Variants in GRM6 observed in about 807,000 individuals in gnomAD.
GRM6 encodes glutamate metabotropic receptor 6, also known as metabotropic glutamate receptor 6.
GRM6 carries 73 observed loss-of-function variants against 78.4 expected under a neutral mutation model. The ratio of observed to expected loss-of-function variants is 0.93; its 90% CI spans 0.77 to 1.13. GRM6 has a LOEUF of 1.13. GRM6 is among the 50% of genes most tolerant of loss of function. GRM6 has a pLI of 0.00. For missense variants in GRM6, 1,251 were observed against 1,256.4 expected, an observed-to-expected ratio of 1.00 and a Z score of 0.07; for synonymous variants, 580 against 555.0, an observed-to-expected ratio of 1.05 and a Z score of -0.63.
rs776167510 is a variant in GRM6, at chr5:178,991,966, C to G, written c.622G>C (p.Val208Leu). Residue 208 changes from valine (V) to leucine (L), a missense_variant, in exon 3 of 11, where the codon GTG becomes CTG. Physicochemically the swap from Val to Leu is conservative, Grantham distance 32. Transcript: ENST00000517717. This position sits in a 1 kb window ranked among gnomAD's most constrained non-coding sequence, Gnocchi z 5.0. The part of the protein sequence containing the change: ...SYQAQAMVDI[V>L]RALGWNYVST... ...ACATAGTTCCATCCCAGTGCCCTCA[C>G]GATGTCCACCATGGCCTGCGCCTGG... is the stretch of plus-strand genomic sequence containing the variant. 1.2e-6 allele frequency: 2 copies of G among 1,614,046 alleles called. No homozygotes were observed. Among genetic ancestry groups the G allele is most frequent in the South Asian group, 1.1e-5 (1 of 91,090 alleles).
At chr5:178,986,065 T>C (rs1760533957) in intron 9 of GRM6, 65 bp downstream of exon 9, 41 of 1,476,512 alleles carry the variant, frequency 2.8e-5, no homozygotes, top group Non-Finnish European at 3.7e-5. Context: ...CCTGGCCCTT[T>C]TGGCTTTGTA....
chr5:178,992,649 C>G lies in GRM6; in HGVS notation c.505-566G>C, dbSNP rs2113344628. Among the ~76,000 whole-genome samples, 1 of 152,194 alleles carries G rather than the reference C, an allele frequency of 6.6e-6. No individual in the cohort carries two copies. ...TTAACAGCAGAGACCAGAGGCTGAA[C>G]TGACCGGGGAGTGTGGAGGCAGAGA... On this transcript the variant is annotated intron_variant, in intron 2 of 10. Coordinates refer to ENST00000517717, the MANE Select transcript of GRM6 (RefSeq NM_000843.4). The surrounding 1 kb of genome is among the most constrained non-coding windows in gnomAD (Gnocchi z 4.9).
intron 9 of GRM6, chr5:178,985,885 C>A (rs1406762015): frequency 3.9e-5 from 22 of 564,824 alleles, no homozygotes; most frequent in Non-Finnish European, 7.0e-5. Flanking sequence ...TTTCAGCCTC[C>A]CAAGTAGCTA....
chr5:178,994,633 G>A lies in GRM6; in HGVS notation c.312C>T (p.Tyr104=), dbSNP rs1317273313. The stretch of plus-strand genomic sequence containing the variant: ...CGAAGCTCAGCGCCTGCTCCAGCGC[G>A]TAGGTGTCCCGCGAGCAGGTGTCCA... ...RLLDTCSRDT[Y]ALEQALSFVQ... Residue 104 remains tyrosine (Y), a synonymous_variant, in exon 2 of 11, where the codon TAC becomes TAT. Coordinates refer to ENST00000517717, the MANE Select transcript of GRM6 (RefSeq NM_000843.4). 6.9e-6 allele frequency: 10 copies of A among 1,457,340 alleles called. No individual in the cohort carries two copies. The highest frequency in any genetic ancestry group is 3.9e-5 in the South Asian group (3 of 77,002). The allele number at this position is 1,457,340 out of a possible 1,614,324, so 90.3% of individuals were successfully genotyped here.
At position 178,991,591 on chromosome 5, in the gene GRM6, G is replaced by A. The variant is rs756729841; in HGVS notation, c.722-32C>T. The A allele has an allele frequency of 2.6e-5, 42 of 1,611,906 alleles. No homozygotes were observed. Among genetic ancestry groups the A allele is most frequent in the African/African-American group, 1.6e-4 (12 of 74,860 alleles). The stretch of plus-strand genomic sequence containing the variant: ...GTTGGGGGTGCCAGAGTCAGCTTCC[G>A]TCCCACCCACCCACACACCCACCTG... On this transcript the variant is annotated intron_variant, in intron 3 of 10. Coordinates refer to ENST00000517717, the MANE Select transcript of GRM6 (RefSeq NM_000843.4). The surrounding 1 kb of genome is among the most constrained non-coding windows in gnomAD (Gnocchi z 5.0).
At chr5:178,985,805 A>G (rs530545034) in intron 9 of GRM6, 6 of 520,272 alleles carry the variant, frequency 1.2e-5, no homozygotes, top group Non-Finnish European at 1.8e-5. Context: ...TCTGACACCC[A>G]AGCTGGATTG....
In GRM6 at chr5:178,991,978, T is replaced by C; in HGVS notation, c.610A>G (p.Met204Val). Reference protein sequence around the residue: ...VPPDSYQAQAMVDIVRALGWN... With the variant: ...VPPDSYQAQAVVDIVRALGWN... ...CCCAGTGCCCTCACGATGTCCACCA[T>C]GGCCTGCGCCTGGTAGGAGTCGGGT... is the stretch of plus-strand genomic sequence containing the variant. Residue 204 changes from methionine to valine, a missense_variant, in exon 3 of 11, where the codon ATG (methionine) becomes GTG (valine). Physicochemically the swap from Met to Val is conservative, Grantham distance 21. Coordinates refer to ENST00000517717, the MANE Select transcript of GRM6 (RefSeq NM_000843.4). The surrounding 1 kb of genome is among the most constrained non-coding windows in gnomAD (Gnocchi z 5.0). The C allele has an allele frequency of 6.2e-7, 1 of 1,613,936 alleles. No individual in the cohort carries two copies. The highest frequency in any genetic ancestry group is 2.2e-5 in the East Asian group (1 of 44,872).
rs931997301 is a variant in GRM6 at position 178,983,174 on chromosome 5, C to A, written c.2172G>T (p.Val724=). 1.9e-6 allele frequency: 3 copies of A among 1,613,704 alleles called. No individual in the cohort carries two copies. In the Admixed American group the frequency reaches 5.0e-5, roughly 27 times the overall value. ...CCGTCCGCTGTTCCTCATAGTCAAT[C>A]ACGCTGTGTGGGGGCCGGGCCCCCA... ...AWLGARPPHS[V]IDYEEQRTVD... Residue 724 remains valine, a synonymous_variant, in exon 10 of 11, where the codon GTG becomes GTT. Transcript: ENST00000517717.
In GRM6 at chr5:178,989,135, C is replaced by T. The variant is rs1201003242; in HGVS notation, c.1154G>A (p.Gly385Asp). The change falls in exon 7 of 11, where the codon GGC (glycine) becomes GAC (aspartate). Residue 385 changes from glycine to aspartate, a missense_variant and splice_region_variant. Coordinates refer to ENST00000517717, the MANE Select transcript of GRM6 (RefSeq NM_000843.4). Reference protein sequence around the residue: ...QSDDSTRKCTGEERIGRDSTY... With the variant: ...QSDDSTRKCTDEERIGRDSTY... ...GGAGTCCCGGCCGATGCGTTCCTCG[C>T]CTGTCCTAGGGATGCCCAGAGAAAG... 8 of 1,613,722 alleles carry T rather than the reference C, an allele frequency of 5.0e-6. No individual in the cohort carries two copies. Among genetic ancestry groups the T allele is most frequent in the Non-Finnish European group, 5.9e-6 (7 of 1,179,840 alleles).
At position 178,981,569 on chromosome 5, in the gene GRM6, ACC is replaced by A; in HGVS notation, c.*86_*87del. ...GCAAACTCCCTGCCACTGACTGTTC[ACC>A]GTGGACCCGGGCTCTATACAGCTTC... is the stretch of plus-strand genomic sequence containing the variant. On this transcript the variant is annotated 3_prime_UTR_variant, in exon 11 of 11. Transcript: ENST00000517717. The surrounding 1 kb of genome is among the most constrained non-coding windows in gnomAD (Gnocchi z 5.1). The A allele has an allele frequency of 9.7e-7, 1 of 1,033,510 alleles. No individual in the cohort carries two copies. Among genetic ancestry groups the A allele is most frequent in the Non-Finnish European group, 1.5e-6 (1 of 676,816 alleles). The allele number at this position is 1,033,510 out of a possible 1,614,324, so 64.0% of individuals were successfully genotyped here. A position where few individuals can be genotyped will look rare whatever the true frequency, so the allele number is the denominator to read the frequency against.
chr5:178,986,662 A>T lies in GRM6; in HGVS notation c.1592T>A (p.Val531Glu). The T allele has an allele frequency of 6.2e-7, 1 of 1,602,838 alleles. No individual in the cohort carries two copies. The highest frequency in any genetic ancestry group is 8.5e-7 in the Non-Finnish European group (1 of 1,179,884). ...GTGCCAACAGCAGGGGACGCCCTTC[A>T]CCATCTTCTTCCGCTCCCCCGGCCC... ...PCGPGERKKM[V>E]KGVPCCWHCE... The change falls in exon 9 of 11, where the codon GTG (valine) becomes GAG (glutamate). Residue 531 changes from valine (V) to glutamate (E), a missense_variant. Val to Glu is a moderately radical substitution (Grantham distance 121). Transcript: ENST00000517717.
chr5:178,980,426 G>A lies in GRM6; in HGVS notation c.*1231C>T. 1 of 154,370 alleles carries A rather than the reference G, an allele frequency of 6.5e-6. No homozygotes were observed. The allele number at this position is 154,370 out of a possible 1,614,324, so 9.6% of individuals were successfully genotyped here. On this transcript the variant is annotated 3_prime_UTR_variant, in exon 11 of 11. Coordinates refer to ENST00000517717, the MANE Select transcript of GRM6 (RefSeq NM_000843.4). The surrounding 1 kb of genome is among the most constrained non-coding windows in gnomAD (Gnocchi z 4.3). ...GGACTTCCCAGTACCTATGAGGAAT[G>A]AAGGGTTTCCATACCCGTCCTGAGC...
At chr5:178,990,484 A>C in intron 5 of GRM6, 108 bp downstream of exon 5, 1 of 918,662 alleles carries the variant, frequency 1.1e-6, no homozygotes, top group Non-Finnish European at 1.8e-6. Context: ...GGATCTGAGA[A>C]GGGATCTGGA....
In GRM6 at chr5:178,981,835, G is replaced by A. The variant is rs755747636; in HGVS notation, c.2456C>T (p.Thr819Met). Residue 819 changes from threonine to methionine, a missense_variant, in exon 11 of 11, where the codon ACG (threonine) becomes ATG (methionine). Physicochemically the swap from Thr to Met is moderately conservative, Grantham distance 81 (BLOSUM62 -1). Transcript: ENST00000517717. The surrounding 1 kb of genome is among the most constrained non-coding windows in gnomAD (Gnocchi z 5.1). ...ACTCAGGCTCAAGGACACGGTTAGCGTGGTTGTCTGGATGTAGATCTAGGC... is the reference window on the plus strand; with the variant it reads ...ACTCAGGCTCAAGGACACGGTTAGCATGGTTGTCTGGATGTAGATCTAGGC... ...SAEKIYIQTT[T>M]LTVSLSLSAS... The A allele has an allele frequency of 8.7e-6, 14 of 1,611,626 alleles. No individual in the cohort carries two copies. Among genetic ancestry groups the A allele is most frequent in the African/African-American group, 2.7e-5 (2 of 74,872 alleles).
At chr5:178,989,217 A>AG in intron 6 of GRM6, 48 bp downstream of exon 6, 2 of 954,826 alleles carry the variant, frequency 2.1e-6, no homozygotes, top group Non-Finnish European at 2.9e-6. Context: ...CCCCACCCTC[A>AG]CCACCCTCCC....
At position 178,986,373 on chromosome 5, in the gene GRM6, G is replaced by A. The variant is rs750049904; in HGVS notation, c.1881C>T (p.Leu627=). The part of the protein sequence containing the change: ...RASGRELSYV[L]LTGIFLIYAI... ...CGTAGATGAGGAAGATGCCGGTGAG[G>A]AGGACGTAGCTGAGCTCTCGGCCCG... Residue 627 remains leucine (L), a synonymous_variant, in exon 9 of 11, where the codon CTC becomes CTT. Coordinates refer to ENST00000517717, the MANE Select transcript of GRM6 (RefSeq NM_000843.4). The A allele has an allele frequency of 1.2e-6, 2 of 1,614,082 alleles. No homozygotes were observed. Among genetic ancestry groups the A allele is most frequent in the Non-Finnish European group, 1.7e-6 (2 of 1,180,032 alleles).
chr5:178,979,707 A>G lies in GRM6; in HGVS notation c.*1950T>C, dbSNP rs1486810172. ...AGTGGAGAAAACCACATGAATGTAA[A>G]ACTGTGGAAAAGTTTTCAGCTAGAA... On this transcript the variant is annotated 3_prime_UTR_variant, in exon 11 of 11. Transcript: ENST00000517717. 1.3e-5 allele frequency: 2 copies of G among 152,240 alleles called. No individual in the cohort carries two copies. Among genetic ancestry groups the G allele is most frequent in the Non-Finnish European group, 2.9e-5 (2 of 68,042 alleles). The allele number at this position is 152,240 out of a possible 1,614,324, so 9.4% of individuals were successfully genotyped here. A position where few individuals can be genotyped will look rare whatever the true frequency, so the allele number is the denominator to read the frequency against.
chr5:178,983,481 G>A (rs1365764370), intron 9 of GRM6: 1 of 669,408 alleles, frequency 1.5e-6, no homozygotes, highest in Admixed American at 2.0e-5. Flanking sequence ...CGTATATGTT[G>A]GCAACATCAG....
At chr5:178,987,921 A>ACACTG (rs371810289) in intron 7 of GRM6, among the ~76,000 whole-genome samples, 2 of 143,862 alleles carry the variant, frequency 1.4e-5, no homozygotes, top group Admixed American at 7.0e-5. Context: ...CGCCATGCCC[A>ACACTG]GCTAATTTTT....
Sources: allele counts gnomAD v4.1 joint callset (sites outside exome capture counted in the v4.1 genomes callset), GRCh38; gene constraint gnomAD v4.1.1; non-coding constraint Gnocchi (gnomAD v3.1); transcripts MANE v1.5; gene names NCBI Gene and HGNC (gene_info 2026-07-23, HGNC 2026-07-21).